GRAMD2A: variants seen among roughly 807,000 people sequenced by gnomAD.
The protein encoded by GRAMD2A is GRAM domain containing 2A.
GRAMD2A carries 37 observed loss-of-function variants against 51.1 expected under a neutral mutation model. The observed-to-expected ratio is 0.72, with a 90% confidence interval of 0.56 to 0.95. GRAMD2A has a LOEUF of 0.95. Among genes scored for constraint, GRAMD2A ranks in the 40% least tolerant of loss-of-function variants. GRAMD2A has a pLI of 0.00. For missense variants in GRAMD2A, 414 were observed against 426.9 expected (o/e 0.97, Z 0.27); for synonymous variants, 136 against 157.1 (o/e 0.87, Z 1.01).
At chr15:72,188,353 A>G (rs1428124132) in intron 1 of GRAMD2A, among the ~76,000 whole-genome samples, 1 of 152,078 alleles carries the variant, frequency 6.6e-6, no homozygotes, top group Non-Finnish European at 1.5e-5. Flanking sequence ...AAAAAAAAAA[A>G]AAGAATGCTC....
chr15:72,173,698 G>T, intron 1 of GRAMD2A: 1 of 152,236 alleles, frequency 6.6e-6, no homozygotes, highest in Non-Finnish European at 1.5e-5. Flanking sequence ...GGAGGCTGAG[G>T]CAGGTGGATC....
chr15:72,182,782 G>T (rs753187463), intron 1 of GRAMD2A, among the ~76,000 whole-genome samples: 10 of 152,156 alleles, frequency 6.6e-5, no homozygotes, highest in Admixed American at 1.3e-4. Flanking sequence ...GGTTGCCAGG[G>T]CCTGGGGGCA....
At chr15:72,196,929 G>T (rs1171405916) in intron 1 of GRAMD2A, among the ~76,000 whole-genome samples, 1 of 152,218 alleles carries the variant, frequency 6.6e-6, no homozygotes, top group Non-Finnish European at 1.5e-5. Flanking sequence ...CTAGCTGGCC[G>T]AGGATGCCAG....
chr15:72,176,117 G>A (rs535278445), intron 1 of GRAMD2A: 26 of 152,622 alleles, frequency 1.7e-4, no homozygotes, highest in African/African-American at 6.0e-4. Context: ...TGGGCAGGAT[G>A]GGGTATTTGG....
rs1466596170 is a variant in GRAMD2A, at chr15:72,168,938, C to G, written c.192+1G>C. 3.1e-6 allele frequency: 5 copies of G among 1,613,886 alleles called. No individual in the cohort carries two copies. In the South Asian group the frequency reaches 5.5e-5, roughly 18 times the overall value. ...AGTGAGAAGTCAGCCTCCAGACTTA[C>G]CCCTTCTCGGCCACACTTCTTTATC... On this transcript the variant is annotated splice_donor_variant, in intron 3 of 11. Transcript: ENST00000309731. LOFTEE classifies it high-confidence loss of function.
intron 1 of GRAMD2A, among the ~76,000 whole-genome samples, chr15:72,189,916 A>G (rs1411747288): frequency 6.6e-6 from 1 of 152,184 alleles, no homozygotes; most frequent in East Asian, 1.9e-4. Flanking sequence ...CCAAACCCTT[A>G]CTCAGTGTTA....
At chr15:72,194,733 G>A (rs749869891) in intron 1 of GRAMD2A, among the ~76,000 whole-genome samples, 3 of 151,850 alleles carry the variant, frequency 2.0e-5, no homozygotes, top group Non-Finnish European at 4.4e-5. Context: ...TGTCGCCCGG[G>A]CTGGAATGCA....
chr15:72,168,836 T>A (rs1321769739), intron 3 of GRAMD2A, 103 bp downstream of exon 3: 15 of 1,056,110 alleles, frequency 1.4e-5, no homozygotes, highest in Non-Finnish European at 1.9e-5. Context: ...TCTCCTGATT[T>A]CCTGATGACA....
chr15:72,193,210 C>G (rs2081780670), intron 1 of GRAMD2A, among the ~76,000 whole-genome samples: 1 of 151,842 alleles, frequency 6.6e-6, no homozygotes, highest in Non-Finnish European at 1.5e-5. Context: ...CGCCTCCAGT[C>G]CTAAATGATG....
intron 1 of GRAMD2A, among the ~76,000 whole-genome samples, chr15:72,188,064 C>A (rs762725544): frequency 6.6e-6 from 1 of 152,106 alleles, no homozygotes; most frequent in Non-Finnish European, 1.5e-5. Context: ...ACTGGCTGGG[C>A]GTGGTGGCTC....
chr15:72,180,458 G>C (rs1416615852), intron 1 of GRAMD2A, among the ~76,000 whole-genome samples: 1 of 152,248 alleles, frequency 6.6e-6, no homozygotes, highest in East Asian at 1.9e-4. Context: ...CTCCGGCCAG[G>C]CCTGCTAAGT....
chr15:72,163,843 T>G, intron 8 of GRAMD2A, 86 bp from the exon 9 acceptor site: 1 of 1,413,160 alleles, frequency 7.1e-7, no homozygotes, highest in Non-Finnish European at 9.6e-7. Context: ...TATCAGAGTT[T>G]TCTCCAGATA....
chr15:72,176,788 GA>G (rs2081656174), intron 1 of GRAMD2A, among the ~76,000 whole-genome samples: 1 of 151,604 alleles, frequency 6.6e-6, no homozygotes, highest in Non-Finnish European at 1.5e-5. Context: ...ACTTCAGGGG[GA>G]AAGGACACTC....
At chr15:72,169,322 G>T in intron 2 of GRAMD2A, 1 of 471,876 alleles carries the variant, frequency 2.1e-6, no homozygotes, top group Middle Eastern at 6.3e-4. Context: ...CAAAGACCCT[G>T]TCCCATTTCT....
rs547457472 is a variant in GRAMD2A, at chr15:72,166,369, G to A, written c.543+263C>T. 5.0e-4 allele frequency among the ~76,000 whole-genome samples: 76 copies of A among 152,200 alleles called. No individual in the cohort carries two copies. The highest frequency in any genetic ancestry group is 1.8e-3 in the African/African-American group (76 of 41,520). On this transcript the variant is annotated intron_variant, in intron 7 of 11. Transcript: ENST00000309731. The surrounding 1 kb of genome is among the most constrained non-coding windows in gnomAD (Gnocchi z 4.1). Reference sequence around the variant, plus strand: ...CTTACGATATTTTCAACTTTTGATGGGTTCATGGGACATAAGCCCATGAAC... The same window carrying A: ...CTTACGATATTTTCAACTTTTGATGAGTTCATGGGACATAAGCCCATGAAC...
At chr15:72,195,594 G>A (rs2081799142) in intron 1 of GRAMD2A, among the ~76,000 whole-genome samples, 1 of 152,154 alleles carries the variant, frequency 6.6e-6, no homozygotes, top group African/African-American at 2.4e-5. Context: ...AGTCTCTCTG[G>A]TCTGTGCCAA....
chr15:72,168,009 C>T (rs2081567417), intron 4 of GRAMD2A, among the ~76,000 whole-genome samples, 170 bp from the exon 5 acceptor site: 2 of 152,186 alleles, frequency 1.3e-5, no homozygotes, highest in Admixed American at 6.5e-5. Context: ...TCCCCAGCGT[C>T]GAAGGGTCCT....
At chr15:72,190,212 TA>T (rs952496434) in intron 1 of GRAMD2A, among the ~76,000 whole-genome samples, 2 of 151,240 alleles carry the variant, frequency 1.3e-5, no homozygotes, top group Non-Finnish European at 2.9e-5. Flanking sequence ...CCGTGTCTAC[TA>T]AAAAAAATAC....
rs375411933 is a variant in GRAMD2A, at chr15:72,168,601, G to A, written c.193-35C>T. 3.2e-5 allele frequency: 51 copies of A among 1,578,570 alleles called. No individual in the cohort carries two copies. In the African/African-American group the frequency reaches 6.3e-4, roughly 20 times the overall value. ...CACAGGCTGCGTCTGAGAAGCGCTG[G>A]GAGATGAGACCGCCAAAGGGGCCCT... On this transcript the variant is annotated intron_variant, in intron 3 of 11. Coordinates refer to ENST00000309731, the MANE Select transcript of GRAMD2A (RefSeq NM_001012642.3).
Sources: allele counts gnomAD v4.1 joint callset (sites outside exome capture counted in the v4.1 genomes callset), GRCh38; gene constraint gnomAD v4.1.1; non-coding constraint Gnocchi (gnomAD v3.1); transcripts MANE v1.5; gene names NCBI Gene and HGNC (gene_info 2026-07-23, HGNC 2026-07-21).